PDGFC: variants seen among roughly 807,000 people sequenced by gnomAD.
The protein encoded by PDGFC is platelet derived growth factor C.
Under a neutral mutation model 35.5 loss-of-function variants are expected in PDGFC, and 12 were observed. The observed-to-expected ratio is 0.34, with a 90% CI of 0.22 to 0.55. The LOEUF is 0.55. Among genes scored for constraint, PDGFC ranks in the 20% least tolerant of loss-of-function variants. PDGFC has a pLI of 0.91. For synonymous variants in PDGFC, 159 were observed against 148.8 expected (o/e 1.07, Z -0.50); for missense variants, 322 against 412.4 (o/e 0.78, Z 1.90).
chr4:156,797,106 C>T (rs571625567), intron 3 of PDGFC, among the ~76,000 whole-genome samples: 29 of 151,874 alleles, frequency 1.9e-4, no homozygotes, highest in Admixed American at 3.3e-4. Context: ...GGAGTGGTGG[C>T]GGCTGCCTGT....
intron 1 of PDGFC, among the ~76,000 whole-genome samples, chr4:156,968,069 T>C (rs937102686): frequency 1.3e-5 from 2 of 152,196 alleles, no homozygotes; most frequent in Non-Finnish European, 2.9e-5. Context: ...TTCTGAACCA[T>C]GTCCACATGA....
intron 1 of PDGFC, among the ~76,000 whole-genome samples, chr4:156,965,464 ATAAT>A (rs1024418425): frequency 5.3e-5 from 8 of 152,178 alleles, no homozygotes; most frequent in Admixed American, 6.5e-5. Flanking sequence ...TAAGTACTAC[ATAAT>A]TAATTAATTA....
intron 1 of PDGFC, among the ~76,000 whole-genome samples, chr4:156,964,456 A>AT (rs1732417311): frequency 6.7e-6 from 1 of 148,654 alleles, no homozygotes; most frequent in East Asian, 2.0e-4. Flanking sequence ...CTGTATATAT[A>AT]GTACATATAT....
chr4:156,880,789 G>C (rs2111169312), intron 1 of PDGFC, among the ~76,000 whole-genome samples: 2 of 152,282 alleles, frequency 1.3e-5, no homozygotes, highest in South Asian at 4.1e-4. Context: ...TAGAAGTGGA[G>C]CCTGAAGACG....
intron 2 of PDGFC, among the ~76,000 whole-genome samples, chr4:156,824,325 TATACACAC>T (rs1560827537): frequency 9.1e-6 from 1 of 109,636 alleles, no homozygotes; most frequent in Non-Finnish European, 1.7e-5. Context: ...TATATATATA[TATACACAC>T]ACACACACAC....
rs758737817 is a variant in PDGFC, at chr4:156,970,886, A to G, written c.18T>C (p.Leu6=). The change falls in exon 1 of 6, where the codon CTT becomes CTC. Residue 6 remains leucine (L), a synonymous_variant. Coordinates refer to ENST00000502773, the MANE Select transcript of PDGFC (RefSeq NM_016205.3). ...CGGCCAGGGCAGATGTCAGCAGGAG[A>G]AGCCCGAAGAGGCTCATTTGGCTGA... The part of the protein sequence containing the change: MSLFG[L]LLLTSALAGQ... 2 of 1,612,880 alleles carry G rather than the reference A, an allele frequency of 1.2e-6. No individual in the cohort carries two copies. The highest frequency in any genetic ancestry group is 3.3e-5 in the Admixed American group (2 of 59,976).
chr4:156,777,476 T>A (rs1730859836), intron 3 of PDGFC, among the ~76,000 whole-genome samples: 1 of 152,112 alleles, frequency 6.6e-6, no homozygotes, highest in Non-Finnish European at 1.5e-5. Flanking sequence ...TTGGTGTTCT[T>A]ATAGTAAGAG....
intron 3 of PDGFC, among the ~76,000 whole-genome samples, chr4:156,802,860 G>A (rs895304810): frequency 6.6e-6 from 1 of 152,140 alleles, no homozygotes; most frequent in Non-Finnish European, 1.5e-5. Flanking sequence ...ATTCATTTAA[G>A]TTTGAGGGTT....
chr4:156,879,808 T>C (rs1296644477), intron 1 of PDGFC, among the ~76,000 whole-genome samples: 1 of 152,208 alleles, frequency 6.6e-6, no homozygotes, highest in Admixed American at 6.5e-5. Flanking sequence ...TTTCTGATCA[T>C]ATATTAATTA....
At chr4:156,962,418 T>C (rs369433661) in intron 1 of PDGFC, among the ~76,000 whole-genome samples, 22 of 152,144 alleles carry the variant, frequency 1.4e-4, no homozygotes, top group Admixed American at 4.6e-4. Flanking sequence ...AGTAAATCAA[T>C]AGAGGATTTT....
intron 3 of PDGFC, among the ~76,000 whole-genome samples, chr4:156,783,395 C>T (rs1256313570): frequency 6.6e-6 from 1 of 151,978 alleles, no homozygotes; most frequent in East Asian, 1.9e-4. Flanking sequence ...TGAGGAGGTG[C>T]CTTGGGTTGG....
In PDGFC at chr4:156,971,479, C is replaced by T; in HGVS notation, c.-576G>A. 6.5e-6 allele frequency: 1 copy of T among 154,820 alleles called. No homozygotes were observed. Among genetic ancestry groups the T allele is most frequent in the South Asian group, 2.4e-4 (1 of 4,176 alleles). 9.6% of individuals were successfully genotyped at this position (154,820 alleles called of 1,614,324 possible). On this transcript the variant is annotated 5_prime_UTR_variant, in exon 1 of 6. Transcript: ENST00000502773. ...GGGCGCCGCGGCGGGTCCCACGGGCCGGGGCGCCGGAGCGGGGCCGGGGGG... is the reference window on the plus strand; with the variant it reads ...GGGCGCCGCGGCGGGTCCCACGGGCTGGGGCGCCGGAGCGGGGCCGGGGGG...
intron 1 of PDGFC, among the ~76,000 whole-genome samples, chr4:156,951,685 C>A (rs1732085688): frequency 6.7e-6 from 1 of 149,292 alleles, no homozygotes; most frequent in East Asian, 2.0e-4. Flanking sequence ...AAAGGTCCTT[C>A]TTAATTTAGC....
chr4:156,794,928 G>A (rs1731401305), intron 3 of PDGFC, among the ~76,000 whole-genome samples: 1 of 152,130 alleles, frequency 6.6e-6, no homozygotes, highest in South Asian at 2.1e-4. Context: ...GCAGTATCAA[G>A]ATGGAAACAG....
intron 3 of PDGFC, among the ~76,000 whole-genome samples, chr4:156,781,563 C>A (rs181036008): frequency 5.1e-4 from 77 of 152,264 alleles, no homozygotes; most frequent in Admixed American, 4.8e-3. Flanking sequence ...TCGGTTAATG[C>A]AGTATGCCTC....
intron 2 of PDGFC, chr4:156,835,769 A>T (rs1579044807): frequency 6.6e-6 from 1 of 152,218 alleles, no homozygotes; most frequent in Non-Finnish European, 1.5e-5. Flanking sequence ...TTTACCAGTC[A>T]GTTTAACTCC....
intron 1 of PDGFC, among the ~76,000 whole-genome samples, chr4:156,939,376 T>C (rs2110902158): frequency 6.6e-6 from 1 of 152,108 alleles, no homozygotes; most frequent in Non-Finnish European, 1.5e-5. Flanking sequence ...AAACAAGAAA[T>C]AACAGGCAAT....
intron 1 of PDGFC, among the ~76,000 whole-genome samples, chr4:156,871,310 T>C (rs1382034098): frequency 6.6e-6 from 1 of 151,710 alleles, no homozygotes; most frequent in Non-Finnish European, 1.5e-5. Flanking sequence ...ATTAGATTTA[T>C]TTTTCCCCCC....
chr4:156,858,047 T>C (rs1729624529), intron 1 of PDGFC, among the ~76,000 whole-genome samples: 1 of 152,136 alleles, frequency 6.6e-6, no homozygotes, highest in Admixed American at 6.6e-5. Flanking sequence ...AAAATAATTA[T>C]ACAGTGAATA....
Sources: allele counts gnomAD v4.1 joint callset (sites outside exome capture counted in the v4.1 genomes callset), GRCh38; gene constraint gnomAD v4.1.1; transcripts MANE v1.5; gene names NCBI Gene and HGNC (gene_info 2026-07-23, HGNC 2026-07-21).